Variants in FOXN3 observed in about 807,000 individuals in gnomAD.
FOXN3 encodes the protein forkhead box protein N3.
In FOXN3, 7 loss-of-function variants were observed where a neutral mutation model predicts 38.4. The observed-to-expected ratio is 0.18, with a 90% CI of 0.10 to 0.34. The LOEUF (loss-of-function observed/expected upper bound fraction) is 0.34. FOXN3 is among the 10% of genes least tolerant of loss of function. FOXN3 has a pLI of 1.00. For missense variants in FOXN3, 456 were observed against 613.4 expected, an observed-to-expected ratio of 0.74 and a Z score of 2.71; for synonymous variants, 230 against 242.2, an observed-to-expected ratio of 0.95 and a Z score of 0.47.
intron 1 of FOXN3, among the ~76,000 whole-genome samples, chr14:89,499,566 T>A (rs914189664): frequency 6.6e-6 from 1 of 152,180 alleles, no homozygotes; most frequent in Non-Finnish European, 1.5e-5. Context: ...TTATGCTTAA[T>A]TTTAGTTTCT....
At chr14:89,529,781 C>A (rs1268896291) in intron 1 of FOXN3, among the ~76,000 whole-genome samples, 1 of 152,098 alleles carries the variant, frequency 6.6e-6, no homozygotes, top group Non-Finnish European at 1.5e-5. Flanking sequence ...ATGGCACACA[C>A]CTGTAGTTTT....
chr14:89,402,840 C>T (rs1410960908), intron 2 of FOXN3, among the ~76,000 whole-genome samples: 1 of 152,242 alleles, frequency 6.6e-6, no homozygotes, highest in Non-Finnish European at 1.5e-5. Flanking sequence ...ACGCCCCTAG[C>T]TTGTTTAAAT....
intron 4 of FOXN3, among the ~76,000 whole-genome samples, chr14:89,227,277 A>G (rs1884670042): frequency 6.6e-6 from 1 of 152,138 alleles, no homozygotes; most frequent in Admixed American, 6.5e-5. Context: ...GGATTTTTCT[A>G]TGTCTCAAAA....
intron 1 of FOXN3, among the ~76,000 whole-genome samples, chr14:89,598,156 A>G (rs1325501461): frequency 6.6e-6 from 1 of 152,158 alleles, no homozygotes; most frequent in East Asian, 1.9e-4. Context: ...CTTCCTGTAC[A>G]CTACAAGGAA....
At chr14:89,347,920 C>G (rs1025827704) in intron 3 of FOXN3, among the ~76,000 whole-genome samples, 2 of 151,682 alleles carry the variant, frequency 1.3e-5, no homozygotes, top group African/African-American at 2.4e-5. Flanking sequence ...CACCGCTGCA[C>G]TCCAGCCTGG....
rs905648333 is a variant in FOXN3 at position 89,161,875 on chromosome 14, C to T, written c.*539G>A. 8.5e-5 allele frequency: 13 copies of T among 152,378 alleles called. No individual in the cohort carries two copies. The South Asian group carries it at 1.5e-3, about 17-fold the overall frequency. The allele number at this position is 152,378 out of a possible 1,614,324, so 9.4% of individuals were successfully genotyped here. A position where few individuals can be genotyped will look rare whatever the true frequency, so the allele number is the denominator to read the frequency against. On this transcript the variant is annotated 3_prime_UTR_variant, in exon 6 of 6. Transcript: ENST00000557258. ...TCCTGGCACCATCAGATGCCTGGTGCCACAAGCTTGGGTCTGCTCCTAGGG... is the reference window on the plus strand; with the variant it reads ...TCCTGGCACCATCAGATGCCTGGTGTCACAAGCTTGGGTCTGCTCCTAGGG...
intron 4 of FOXN3, among the ~76,000 whole-genome samples, chr14:89,229,816 C>A (rs775338487): frequency 6.6e-6 from 1 of 152,144 alleles, no homozygotes; most frequent in Non-Finnish European, 1.5e-5. Context: ...CAAAAAAGAG[C>A]TATAGTACAG....
At chr14:89,608,730 C>G (rs1162400358) in intron 1 of FOXN3, among the ~76,000 whole-genome samples, 1 of 152,188 alleles carries the variant, frequency 6.6e-6, no homozygotes, top group Admixed American at 6.5e-5. Context: ...CCCACATGCA[C>G]TATCATAGGC....
chr14:89,251,138 C>A (rs1015597574), intron 4 of FOXN3, among the ~76,000 whole-genome samples: 5 of 152,166 alleles, frequency 3.3e-5, no homozygotes, highest in African/African-American at 1.2e-4. Flanking sequence ...TTTTTTCTAA[C>A]AAAATGCCCC....
At chr14:89,388,776 G>A (rs76607669) in intron 2 of FOXN3, among the ~76,000 whole-genome samples, 3,408 of 151,576 alleles carry the variant, frequency 0.022, 117 homozygotes, top group African/African-American at 0.076. Context: ...GAAGATGCAT[G>A]AGAGAGGCCA....
rs1005998437 is a variant in FOXN3, at chr14:89,158,408, ACT to A, written c.*4004_*4005del. 1.3e-5 allele frequency: 2 copies of A among 152,160 alleles called. No homozygotes were observed. The highest frequency in any genetic ancestry group is 4.8e-5 in the African/African-American group (2 of 41,340). The allele number at this position is 152,160 out of a possible 1,614,324, so 9.4% of individuals were successfully genotyped here. On this transcript the variant is annotated 3_prime_UTR_variant, in exon 6 of 6. Transcript: ENST00000557258. Reference sequence around the variant, plus strand: ...GAATGCCTCTGCAAAACAAAAGAAAACTCTGTTCTTGGGAATCGGCCTCTGGC... The same window carrying A: ...GAATGCCTCTGCAAAACAAAAGAAAACTGTTCTTGGGAATCGGCCTCTGGC...
intron 1 of FOXN3, among the ~76,000 whole-genome samples, chr14:89,426,960 G>A (rs1242905551): frequency 6.6e-6 from 1 of 151,858 alleles, no homozygotes; most frequent in Non-Finnish European, 1.5e-5. Context: ...GGCCGGGCGC[G>A]GTGGCTCACG....
At chr14:89,291,744 T>A (rs1886879373) in intron 3 of FOXN3, 13 of 370,180 alleles carry the variant, frequency 3.5e-5, no homozygotes, top group South Asian at 3.0e-4. Flanking sequence ...TGGGACTTCA[T>A]TCCTTGAACG....
chr14:89,307,374 T>C (rs1262596499), intron 3 of FOXN3, among the ~76,000 whole-genome samples: 1 of 152,212 alleles, frequency 6.6e-6, no homozygotes, highest in African/African-American at 2.4e-5. Context: ...ATCTACACCT[T>C]TTTTTAAGCT....
chr14:89,403,673 T>C (rs1891308785), intron 2 of FOXN3, among the ~76,000 whole-genome samples: 1 of 152,248 alleles, frequency 6.6e-6, no homozygotes, highest in Non-Finnish European at 1.5e-5. Context: ...ATGAAGTATC[T>C]GGTAGACCTA....
At chr14:89,532,508 A>T (rs1318367799) in intron 1 of FOXN3, among the ~76,000 whole-genome samples, 3 of 152,202 alleles carry the variant, frequency 2.0e-5, no homozygotes, top group Non-Finnish European at 4.4e-5. Context: ...AACTGTTTAA[A>T]TTTGAACACA....
intron 1 of FOXN3, among the ~76,000 whole-genome samples, chr14:89,495,078 T>C (rs1023399871): frequency 6.6e-5 from 10 of 152,336 alleles, no homozygotes; most frequent in African/African-American, 2.4e-4. Flanking sequence ...CCGCTTTAAA[T>C]ATTGGGGTAA....
rs139870262 is a variant in FOXN3 at position 89,540,509 on chromosome 14, C to T, written c.-15+78519G>A. ...CAGCACTCTGGGAAGCCAAGGCGGG[C>T]GGATCGCGAGGTCAGGAGTTCAAGA... On this transcript the variant is annotated intron_variant, in intron 1 of 6. Transcript: ENST00000345097. 6.0e-3 allele frequency among the ~76,000 whole-genome samples: 913 copies of T among 152,166 alleles called. 9 individuals carry two copies. Among genetic ancestry groups the T allele is most frequent in the Non-Finnish European group, 7.3e-3 (494 of 67,994 alleles).
At chr14:89,346,135 G>C (rs1015235791) in intron 3 of FOXN3, among the ~76,000 whole-genome samples, 4 of 152,178 alleles carry the variant, frequency 2.6e-5, no homozygotes, top group Non-Finnish European at 2.9e-5. Context: ...TTATGGCTGA[G>C]TAGTATTCCA....
Sources: allele counts gnomAD v4.1 joint callset (sites outside exome capture counted in the v4.1 genomes callset), GRCh38; gene constraint gnomAD v4.1.1; transcripts MANE v1.5; gene names NCBI Gene and HGNC (gene_info 2026-07-23, HGNC 2026-07-21).